OTOG: variants seen among roughly 807,000 people sequenced by gnomAD.
OTOG encodes the protein otogelin.
OTOG carries 296 observed loss-of-function variants against 313.8 expected under a neutral mutation model. The observed-to-expected ratio is 0.94, with a 90% CI of 0.86 to 1.04. The LOEUF (loss-of-function observed/expected upper bound fraction) is 1.04, where lower values mean the gene tolerates loss of function less well. Among genes scored for constraint, OTOG ranks in the 50% least tolerant of loss-of-function variants. OTOG has a pLI of 0.00. For synonymous variants in OTOG, 1,533 were observed against 1,554.9 expected (o/e 0.99, Z 0.33); for missense variants, 3,948 against 3,840.1 (o/e 1.03, Z -0.74).
At chr11:17,572,957 C>T (rs1227145612) in intron 18 of OTOG, 121 bp from the exon 19 acceptor site, 8 of 945,926 alleles carry the variant, frequency 8.5e-6, no homozygotes, top group Non-Finnish European at 1.1e-5. Flanking sequence ...TAGCTGCCTA[C>T]ATCCGTACAG....
intron 39 of OTOG, among the ~76,000 whole-genome samples, chr11:17,627,398 A>G (rs146801685): frequency 3.3e-5 from 5 of 152,044 alleles, no homozygotes; most frequent in African/African-American, 1.2e-4. Context: ...TTTGTCCTTT[A>G]TTCTGTTGAT....
chr11:17,643,531 G>C, intron 54 of OTOG, 25 bp downstream of exon 54: 2 of 1,409,660 alleles, frequency 1.4e-6, no homozygotes, highest in Non-Finnish European at 9.3e-7. Context: ...TGGGGGCCCA[G>C]GGGTGGGGGG....
intron 47 of OTOG, 85 bp downstream of exon 47, chr11:17,635,796 G>T (rs1432203288): frequency 8.7e-6 from 10 of 1,153,666 alleles, no homozygotes; most frequent in Non-Finnish European, 1.3e-5. Flanking sequence ...GGGGTTGACA[G>T]GGAGCAACAG....
Position 17,595,729 on chromosome 11 carries a change from T to C in OTOG, c.3409-309T>C, listed in dbSNP as rs1443488768. Reference sequence around the variant, plus strand: ...CACTGACACTTCCATCCATGTGGGGTCCCCCAGCATGGCTGCTTGCTTCCT... The same window carrying C: ...CACTGACACTTCCATCCATGTGGGGCCCCCCAGCATGGCTGCTTGCTTCCT... On this transcript the variant is annotated intron_variant, in intron 28 of 55. Transcript: ENST00000399397. Among the ~76,000 whole-genome samples, 5 of 151,836 alleles carry C rather than the reference T, an allele frequency of 3.3e-5. No individual in the cohort carries two copies. The East Asian group carries it at 9.7e-4, about 29-fold the overall frequency.
At chr11:17,615,604 C>G (rs1853699553) in intron 39 of OTOG, among the ~76,000 whole-genome samples, 2 of 152,276 alleles carry the variant, frequency 1.3e-5, no homozygotes, top group East Asian at 3.9e-4. Flanking sequence ...AGAGACTATT[C>G]TGTCTCCATT....
intron 8 of OTOG, 115 bp downstream of exon 8, chr11:17,557,438 A>G: frequency 9.5e-7 from 1 of 1,056,960 alleles, no homozygotes; most frequent in Non-Finnish European, 1.4e-6. Context: ...TCATGGTATT[A>G]AAGACCCAAT....
Position 17,606,023 on chromosome 11 carries a change from G to A in OTOG, c.4044G>A (p.Leu1348=). The stretch of plus-strand genomic sequence containing the variant: ...CACGGCAGGCAGGCCTGGTGGCCCT[G>A]GAGTCCCTGGCCAAGCCCAGCTCCT... ...RGTRQAGLVA[L]ESLAKPSSFL... is the part of the protein sequence containing the mutation. Residue 1348 remains leucine, a synonymous_variant, in exon 33 of 56, where the codon CTG becomes CTA. Coordinates refer to ENST00000399397, the MANE Select transcript of OTOG (RefSeq NM_001292063.2). 18 of 1,550,580 alleles carry A rather than the reference G, an allele frequency of 1.2e-5. No individual in the cohort carries two copies. Among genetic ancestry groups the A allele is most frequent in the Non-Finnish European group, 1.6e-5 (18 of 1,146,998 alleles).
At chr11:17,554,597 G>T (rs1157217476) in intron 6 of OTOG, among the ~76,000 whole-genome samples, 1 of 152,214 alleles carries the variant, frequency 6.6e-6, no homozygotes, top group East Asian at 1.9e-4. Context: ...AGACCCCAGT[G>T]TTCAGTGTCT....
At position 17,573,063 on chromosome 11, in the gene OTOG, T is replaced by C; in HGVS notation, c.2081-15T>C. 1.3e-6 allele frequency: 2 copies of C among 1,533,286 alleles called. No individual in the cohort carries two copies. Among genetic ancestry groups the C allele is most frequent in the Non-Finnish European group, 1.8e-6 (2 of 1,135,586 alleles). The allele number at this position is 1,533,286 out of a possible 1,614,324, so 95.0% of individuals were successfully genotyped here. A position where few individuals can be genotyped will look rare whatever the true frequency, so the allele number is the denominator to read the frequency against. On this transcript the variant is annotated splice_polypyrimidine_tract_variant and intron_variant, in intron 18 of 55. Transcript: ENST00000399397. ...GACTCCCCTGACTGCCTGGCTCCTG[T>C]TCTTCCTTCCCCAGCCTCCTACTCA...
intron 23 of OTOG, among the ~76,000 whole-genome samples, chr11:17,583,288 C>T (rs1852716098): frequency 6.6e-6 from 1 of 152,104 alleles, no homozygotes; most frequent in Non-Finnish European, 1.5e-5. Context: ...GTGTGCACCA[C>T]TATACCTGGC....
At chr11:17,623,077 C>T (rs2134114333) in intron 39 of OTOG, among the ~76,000 whole-genome samples, 1 of 152,262 alleles carries the variant, frequency 6.6e-6, no homozygotes, top group South Asian at 2.1e-4. Context: ...TTTTGATTTG[C>T]ATTTCTCTGA....
chr11:17,593,081 A>T (rs1463590447), intron 25 of OTOG, 112 bp from the exon 26 acceptor site: 6 of 1,118,876 alleles, frequency 5.4e-6, no homozygotes, highest in African/African-American at 1.6e-5. Flanking sequence ...AGCTAACACA[A>T]AGTAGAAGTG....
chr11:17,566,500 A>G (rs1389587846), intron 15 of OTOG, among the ~76,000 whole-genome samples: 1 of 152,196 alleles, frequency 6.6e-6, no homozygotes, highest in Non-Finnish European at 1.5e-5. Flanking sequence ...ATATTTCTCT[A>G]TAAAACCATC....
chr11:17,552,605 C>CACCTGTCCTGTGTCCCT (rs1851966548), intron 4 of OTOG, among the ~76,000 whole-genome samples: 1 of 101,898 alleles, frequency 9.8e-6, no homozygotes, highest in African/African-American at 4.2e-5. Flanking sequence ...CCTGTGTCCC[C>CACCTGTCCTGTGTCCCT]CACCTGTCCT....
In OTOG at chr11:17,645,738, T is replaced by C; in HGVS notation, c.8542-6T>C. On this transcript the variant is annotated splice_polypyrimidine_tract_variant and splice_region_variant and intron_variant, in intron 55 of 55. Coordinates refer to ENST00000399397, the MANE Select transcript of OTOG (RefSeq NM_001292063.2). ...ACAGACTGCCTCACTGGCCTGCCCG[T>C]TCCAGGTGAACCTAGTGTCCTGCGA... 6.4e-7 allele frequency: 1 copy of C among 1,550,876 alleles called. No individual in the cohort carries two copies. The highest frequency in any genetic ancestry group is 1.4e-5 in the African/African-American group (1 of 73,192).
At chr11:17,585,852 A>C (rs1165190567) in intron 23 of OTOG, among the ~76,000 whole-genome samples, 1 of 152,212 alleles carries the variant, frequency 6.6e-6, no homozygotes, top group Non-Finnish European at 1.5e-5. Flanking sequence ...GAAAAATAAA[A>C]TAGGAAGGTT....
chr11:17,599,937 G>A (rs992059827), intron 31 of OTOG, among the ~76,000 whole-genome samples: 1 of 152,222 alleles, frequency 6.6e-6, no homozygotes. Context: ...CCAGCTCCCG[G>A]GGACTGTGCT....
At chr11:17,602,679 C>T (rs1853284408) in intron 32 of OTOG, among the ~76,000 whole-genome samples, 1 of 152,128 alleles carries the variant, frequency 6.6e-6, no homozygotes, top group Non-Finnish European at 1.5e-5. Flanking sequence ...TGCTCCTCCT[C>T]CTCCTTCCTC....
At chr11:17,552,934 A>G (rs1851975211) in intron 4 of OTOG, among the ~76,000 whole-genome samples, 185 bp from the exon 5 acceptor site, 1 of 152,138 alleles carries the variant, frequency 6.6e-6, no homozygotes, top group Non-Finnish European at 1.5e-5. Flanking sequence ...ACCCCACCCC[A>G]CCGGCTTGCC....
Sources: allele counts gnomAD v4.1 joint callset (sites outside exome capture counted in the v4.1 genomes callset), GRCh38; gene constraint gnomAD v4.1.1; transcripts MANE v1.5; gene names NCBI Gene and HGNC (gene_info 2026-07-23, HGNC 2026-07-21).